Variants in NAA25 observed in about 807,000 individuals in gnomAD.
The protein encoded by NAA25 is N-terminal acetyltransferase B complex subunit NAA25.
A neutral mutation model predicts 132.5 loss-of-function variants in NAA25; 30 were observed. That is an observed-to-expected ratio of 0.23 (90% CI 0.17 to 0.31). The LOEUF (loss-of-function observed/expected upper bound fraction) is 0.31, where lower values mean the gene tolerates loss of function less well. NAA25 is among the 10% of genes least tolerant of loss of function. The pLI, the probability that NAA25 is intolerant of heterozygous loss-of-function variation, is 1.00. For missense variants in NAA25, 771 were observed against 1,150.4 expected (o/e 0.67, Z 4.77); for synonymous variants, 359 against 401.9 (o/e 0.89, Z 1.28).
intron 7 of NAA25, among the ~76,000 whole-genome samples, chr12:112,076,067 G>C (rs1057426674): frequency 4.0e-5 from 6 of 151,692 alleles, no homozygotes; most frequent in Admixed American, 2.0e-4. Flanking sequence ...ATTTTTAGTA[G>C]AGACAGGATT....
At chr12:112,099,429 T>C (rs189436873) in intron 1 of NAA25, among the ~76,000 whole-genome samples, 78 of 152,164 alleles carry the variant, frequency 5.1e-4, no homozygotes, top group Admixed American at 3.7e-3. Context: ...TTTCCACTCA[T>C]AGCAATAATA....
intron 1 of NAA25, among the ~76,000 whole-genome samples, chr12:112,095,057 T>G (rs768282152): frequency 4.6e-5 from 7 of 152,036 alleles, no homozygotes; most frequent in Non-Finnish European, 1.0e-4. Context: ...ATCCCAGCAC[T>G]TAGGAAGGCT....
At position 112,089,242 on chromosome 12, in the gene NAA25, T is replaced by C. The variant is rs115012199; in HGVS notation, c.284-1441A>G. ...CAGCAAAATCCTGTCTCAAAAGAAA[T>C]TGGCAAAAATGATTAAGGTTACAAA... is the stretch of plus-strand genomic sequence containing the variant. On this transcript the variant is annotated intron_variant, in intron 3 of 23. Coordinates refer to ENST00000261745, the MANE Select transcript of NAA25 (RefSeq NM_024953.4). Among the ~76,000 whole-genome samples, 1,223 of 152,124 alleles carry C rather than the reference T, an allele frequency of 8.0e-3. 15 individuals carry two copies. The highest frequency in any genetic ancestry group is 0.028 in the African/African-American group (1,173 of 41,522).
chr12:112,093,499 C>T (rs1593832402), intron 1 of NAA25, among the ~76,000 whole-genome samples: 1 of 151,948 alleles, frequency 6.6e-6, no homozygotes, highest in East Asian at 1.9e-4. Flanking sequence ...TGAGATCATG[C>T]CACTGCACTC....
At chr12:112,093,804 T>C (rs2079172388) in intron 1 of NAA25, among the ~76,000 whole-genome samples, 1 of 151,562 alleles carries the variant, frequency 6.6e-6, no homozygotes, top group African/African-American at 2.4e-5. Flanking sequence ...CATTTGAGCC[T>C]GGGAAGTTGA....
At chr12:112,054,352 G>C in intron 14 of NAA25, 36 bp downstream of exon 14, 4 of 1,586,194 alleles carry the variant, frequency 2.5e-6, no homozygotes, top group Non-Finnish European at 3.4e-6. Flanking sequence ...CACTGGTATA[G>C]CTGGCTGCTC....
intron 22 of NAA25, 53 bp from the exon 23 acceptor site, chr12:112,033,432 T>C: frequency 6.7e-7 from 1 of 1,488,560 alleles, no homozygotes; most frequent in Admixed American, 2.5e-5. Context: ...ATTACCCATA[T>C]CTACATCACA....
intron 22 of NAA25, chr12:112,037,783 A>G (rs1227931248): frequency 6.6e-6 from 1 of 151,456 alleles, no homozygotes; most frequent in African/African-American, 2.4e-5. Context: ...CTTCAATATA[A>G]GCAATCAGCT....
At chr12:112,029,739 A>G (rs933173401) in intron 23 of NAA25, 86 bp from the exon 24 acceptor site, 1 of 1,546,116 alleles carries the variant, frequency 6.5e-7, no homozygotes, top group South Asian at 1.2e-5. Context: ...TAAAGCTGCC[A>G]TTACCTTTGG....
intron 10 of NAA25, among the ~76,000 whole-genome samples, chr12:112,070,331 T>G (rs2078786428): frequency 6.6e-6 from 1 of 152,188 alleles, no homozygotes; most frequent in Non-Finnish European, 1.5e-5. Flanking sequence ...TCCTGAAGGA[T>G]TCTCTCAATG....
intron 11 of NAA25, among the ~76,000 whole-genome samples, chr12:112,064,880 C>T (rs958123729): frequency 2.0e-5 from 3 of 151,432 alleles, no homozygotes; most frequent in Non-Finnish European, 4.4e-5. Context: ...ACTAAAAATA[C>T]AGAATTAGCT....
intron 5 of NAA25, among the ~76,000 whole-genome samples, chr12:112,080,116 T>G (rs970603279): frequency 6.6e-6 from 1 of 150,648 alleles, no homozygotes; most frequent in Non-Finnish European, 1.5e-5. Flanking sequence ...CCATCTCTAC[T>G]AAAAATACAA....
At chr12:112,083,319 T>C (rs1309030107) in intron 4 of NAA25, among the ~76,000 whole-genome samples, 1 of 151,924 alleles carries the variant, frequency 6.6e-6, no homozygotes, top group Non-Finnish European at 1.5e-5. Context: ...AAGATAAAAG[T>C]AATGGTGAAA....
intron 1 of NAA25, among the ~76,000 whole-genome samples, chr12:112,099,648 A>G (rs1441887246): frequency 6.6e-6 from 1 of 152,196 alleles, no homozygotes; most frequent in African/African-American, 2.4e-5. Flanking sequence ...CACTTCCCAA[A>G]GAAGCTACTA....
chr12:112,082,680 C>A (rs1346144963), intron 4 of NAA25, among the ~76,000 whole-genome samples: 1 of 150,548 alleles, frequency 6.6e-6, no homozygotes, highest in Admixed American at 6.8e-5. Flanking sequence ...CTTACCTCTT[C>A]TTTCTTTAAG....
At chr12:112,082,048 C>T (rs1374242034) in intron 4 of NAA25, among the ~76,000 whole-genome samples, 1 of 152,010 alleles carries the variant, frequency 6.6e-6, no homozygotes, top group South Asian at 2.1e-4. Context: ...GTCAGGAGTT[C>T]GAGACTAGCT....
intron 22 of NAA25, among the ~76,000 whole-genome samples, chr12:112,037,418 T>A (rs1427695411): frequency 1.4e-5 from 2 of 145,588 alleles, no homozygotes; most frequent in African/African-American, 5.0e-5. Flanking sequence ...ACAGAATTTT[T>A]AAAAATCATC....
At chr12:112,104,574 C>T (rs1289929247) in intron 1 of NAA25, among the ~76,000 whole-genome samples, 2 of 152,110 alleles carry the variant, frequency 1.3e-5, no homozygotes, top group East Asian at 1.9e-4. Context: ...CAGTGGCTCA[C>T]GCCTGTAATC....
In NAA25 at chr12:112,100,130, A is replaced by G. The variant is rs555169018; in HGVS notation, c.59-6994T>C. On this transcript the variant is annotated intron_variant, in intron 1 of 23. Coordinates refer to ENST00000261745, the MANE Select transcript of NAA25 (RefSeq NM_024953.4). The stretch of plus-strand genomic sequence containing the variant: ...GGGACAAGGATGAACCTAAAAATGA[A>G]TAATGCCTCCTAACTGACCGACCCA... 2.0e-5 allele frequency among the ~76,000 whole-genome samples: 3 copies of G among 152,286 alleles called. No individual in the cohort carries two copies. In the South Asian group the frequency reaches 6.2e-4, roughly 32 times the overall value.
Sources: gnomAD v4.1 joint callset for allele counts (sites outside exome capture counted in the v4.1 genomes callset) on GRCh38, gnomAD v4.1.1 for gene constraint, MANE v1.5 for transcripts, NCBI Gene and HGNC (gene_info 2026-07-23, HGNC 2026-07-21) for gene names.